Variants in PDE1A observed in about 807,000 individuals in gnomAD.
PDE1A encodes the protein phosphodiesterase 1A, also known as dual specificity calcium/calmodulin-dependent 3',5'-cyclic nucleotide phosphodiesterase 1A.
In PDE1A, 35 loss-of-function variants were observed where a neutral mutation model predicts 61.7. The observed-to-expected ratio is 0.57, with a 90% CI of 0.43 to 0.75. PDE1A has a LOEUF of 0.75. Ranked by LOEUF, PDE1A falls within the 30% of genes least tolerant of loss-of-function variation. PDE1A has a pLI of 0.00. For missense variants in PDE1A, 597 were observed against 630.6 expected, an observed-to-expected ratio of 0.95 and a Z score of 0.57; for synonymous variants, 232 against 213.2, an observed-to-expected ratio of 1.09 and a Z score of -0.77.
chr2:182,188,631 C>T (rs1447124770), intron 11 of PDE1A, among the ~76,000 whole-genome samples: 1 of 152,216 alleles, frequency 6.6e-6, no homozygotes, highest in African/African-American at 2.4e-5. Flanking sequence ...AGTGCACTAA[C>T]ATTTTCATTG....
At chr2:182,572,247 G>A in the PDE1A span, among the ~76,000 whole-genome samples, 4 of 152,124 alleles carry the variant, frequency 2.6e-5, no homozygotes. Context: ...AGAAGACAAG[G>A]GAAGGAAGAG....
the PDE1A span, among the ~76,000 whole-genome samples, chr2:182,683,195 C>A: frequency 6.6e-6 from 1 of 150,792 alleles, no homozygotes; most frequent in African/African-American, 2.4e-5. Flanking sequence ...CAGGTTCAAG[C>A]GATTCTCCTG....
At chr2:182,587,370 A>ACAG in the PDE1A span, among the ~76,000 whole-genome samples, 4 of 152,192 alleles carry the variant, frequency 2.6e-5, no homozygotes, top group African/African-American at 9.7e-5. Flanking sequence ...CTTCTCCAAC[A>ACAG]CAGCACTCTT....
chr2:182,520,360 G>A (rs146770126), intron 2 of PDE1A, among the ~76,000 whole-genome samples: 89 of 151,994 alleles, frequency 5.9e-4, no homozygotes, highest in African/African-American at 2.0e-3. Context: ...TGAAAAAGCA[G>A]TCATTTTAGT....
intron 1 of PDE1A, among the ~76,000 whole-genome samples, chr2:182,396,374 T>C (rs1367950835): frequency 6.6e-6 from 1 of 152,222 alleles, no homozygotes. Flanking sequence ...AATTATATAC[T>C]ATTTCATGGG....
upstream of PDE1A, among the ~76,000 whole-genome samples, chr2:182,523,699 TAC>T (rs1044963003): frequency 6.6e-6 from 1 of 152,210 alleles, no homozygotes; most frequent in African/African-American, 2.4e-5. Flanking sequence ...TATTACATAT[TAC>T]CTTTTTAAAT....
chr2:182,461,474 T>C (rs894733039), intron 2 of PDE1A, among the ~76,000 whole-genome samples: 8 of 152,114 alleles, frequency 5.3e-5, no homozygotes, highest in African/African-American at 7.2e-5. Flanking sequence ...ATATAAGGTA[T>C]CCAAGAGTGA....
At chr2:182,659,599 T>C in the PDE1A span, among the ~76,000 whole-genome samples, 1 of 152,334 alleles carries the variant, frequency 6.6e-6, no homozygotes, top group South Asian at 2.1e-4. Flanking sequence ...AAACTCTTTC[T>C]ACTCATATGG....
chr2:182,144,493 G>C (rs1690390504), downstream of PDE1A, among the ~76,000 whole-genome samples: 1 of 152,166 alleles, frequency 6.6e-6, no homozygotes, highest in Non-Finnish European at 1.5e-5. Flanking sequence ...GATTTGAAGG[G>C]TTTCTTTCTT....
At chr2:182,449,699 T>C (rs944224252) in intron 2 of PDE1A, among the ~76,000 whole-genome samples, 1 of 152,144 alleles carries the variant, frequency 6.6e-6, no homozygotes, top group Non-Finnish European at 1.5e-5. Flanking sequence ...AAAGTCCTAG[T>C]ATTCATAAAA....
At chr2:182,244,224 T>C (rs1457459473) in intron 2 of PDE1A, among the ~76,000 whole-genome samples, 2 of 152,226 alleles carry the variant, frequency 1.3e-5, no homozygotes, top group Non-Finnish European at 2.9e-5. Flanking sequence ...TTCCATTTGT[T>C]TGGTTCTCTT....
intron 7 of PDE1A, among the ~76,000 whole-genome samples, chr2:182,222,625 G>A (rs557877375): frequency 4.6e-5 from 7 of 151,996 alleles, no homozygotes; most frequent in South Asian, 2.1e-4. Flanking sequence ...TAATAACAAC[G>A]AAACTTTAAG....
chr2:182,286,275 C>A (rs1694156784), intron 1 of PDE1A, among the ~76,000 whole-genome samples: 1 of 152,110 alleles, frequency 6.6e-6, no homozygotes, highest in Admixed American at 6.6e-5. Flanking sequence ...ACACAGCTCA[C>A]AAACGAGCAA....
At chr2:182,225,183 A>G (rs1689045783) in intron 6 of PDE1A, among the ~76,000 whole-genome samples, 1 of 151,926 alleles carries the variant, frequency 6.6e-6, no homozygotes, top group African/African-American at 2.4e-5. Context: ...AAATAGAAAG[A>G]GCAAATGTAG....
the PDE1A span, among the ~76,000 whole-genome samples, chr2:182,670,769 G>A: frequency 6.6e-6 from 1 of 152,176 alleles, no homozygotes; most frequent in Non-Finnish European, 1.5e-5. Flanking sequence ...TGATGTGGAA[G>A]TTTTAATTCA....
intron 2 of PDE1A, among the ~76,000 whole-genome samples, chr2:182,242,777 G>A (rs1559242077): frequency 6.6e-6 from 1 of 152,084 alleles, no homozygotes; most frequent in Non-Finnish European, 1.5e-5. Flanking sequence ...AGGGTTTCCA[G>A]CCTGCCAGTT....
intron 13 of PDE1A, among the ~76,000 whole-genome samples, chr2:182,162,715 C>T (rs975383154): frequency 3.9e-5 from 6 of 152,152 alleles, no homozygotes; most frequent in Non-Finnish European, 7.3e-5. Context: ...TCTGAACTGA[C>T]ATTGATCCCA....
chr2:182,687,663 C>T, the PDE1A span, among the ~76,000 whole-genome samples: 143 of 152,278 alleles, frequency 9.4e-4, no homozygotes, highest in Middle Eastern at 6.8e-3. Flanking sequence ...TCACCAGCAA[C>T]GAAACAAAGC....
chr2:182,306,672 G>A (rs1023510100), intron 1 of PDE1A, among the ~76,000 whole-genome samples: 4 of 152,100 alleles, frequency 2.6e-5, no homozygotes, highest in Non-Finnish European at 4.4e-5. Context: ...AACATTTACA[G>A]TCAATTGATT....
Sources: gnomAD v4.1 joint callset for allele counts (sites outside exome capture counted in the v4.1 genomes callset) on GRCh38, gnomAD v4.1.1 for gene constraint, MANE v1.5 for transcripts, NCBI Gene and HGNC (gene_info 2026-07-23, HGNC 2026-07-21) for gene names.